The following SLC25A21 variants were observed in gnomAD, a reference collection of about 807,000 sequenced individuals.
SLC25A21 encodes mitochondrial 2-oxodicarboxylate carrier.
SLC25A21 carries 47 observed loss-of-function variants against 43.8 expected under a neutral mutation model. The ratio of observed to expected loss-of-function variants is 1.07; its 90% CI spans 0.85 to 1.37. The LOEUF is 1.37. SLC25A21 is among the 40% of genes most tolerant of loss of function. The probability of loss-of-function intolerance (pLI) is 0.00; values close to 1 mark genes in which losing one functional copy is unlikely to be tolerated. For synonymous variants in SLC25A21, 131 were observed against 121.3 expected (o/e 1.08, Z -0.52); for missense variants, 352 against 350.2 (o/e 1.00, Z -0.04).
At chr14:36,758,761 G>T (rs1886030275) in intron 3 of SLC25A21, among the ~76,000 whole-genome samples, 2 of 152,160 alleles carry the variant, frequency 1.3e-5, no homozygotes, top group South Asian at 4.1e-4. Flanking sequence ...AGCCTCTTGT[G>T]TGGGAACTGG....
At chr14:36,970,996 G>C (rs1045620303) in intron 1 of SLC25A21, among the ~76,000 whole-genome samples, 23 of 152,000 alleles carry the variant, frequency 1.5e-4, no homozygotes, top group Non-Finnish European at 1.9e-4. Context: ...ATCAATCCCT[G>C]CTCATAGGGA....
chr14:36,919,741 C>T (rs985489278), intron 1 of SLC25A21, among the ~76,000 whole-genome samples: 11 of 151,868 alleles, frequency 7.2e-5, no homozygotes. Flanking sequence ...GGCTGAAGAA[C>T]AGACAGTAGG....
At chr14:36,949,601 T>G (rs1332714214) in intron 1 of SLC25A21, among the ~76,000 whole-genome samples, 1 of 152,226 alleles carries the variant, frequency 6.6e-6, no homozygotes, top group Admixed American at 6.5e-5. Context: ...GGCTTCTCCT[T>G]TCTACAGTCA....
At chr14:36,744,561 A>G (rs950640692) in intron 3 of SLC25A21, among the ~76,000 whole-genome samples, 5 of 120,186 alleles carry the variant, frequency 4.2e-5, no homozygotes, top group African/African-American at 1.8e-4. Context: ...AGACTTAAAT[A>G]TAAGACTTGA....
intron 1 of SLC25A21, among the ~76,000 whole-genome samples, chr14:37,076,350 G>A (rs771703286): frequency 3.7e-4 from 56 of 151,656 alleles, no homozygotes; most frequent in Non-Finnish European, 8.8e-5. Flanking sequence ...TAGTAGAGAT[G>A]TAGTAGAGAT....
At chr14:37,025,918 T>C (rs752845059) in intron 1 of SLC25A21, among the ~76,000 whole-genome samples, 6 of 152,034 alleles carry the variant, frequency 3.9e-5, no homozygotes, top group Non-Finnish European at 7.4e-5. Context: ...AACCAGGTGG[T>C]AAATTTCAGA....
At chr14:36,976,880 A>T (rs1959886478) in intron 1 of SLC25A21, among the ~76,000 whole-genome samples, 1 of 152,232 alleles carries the variant, frequency 6.6e-6, no homozygotes. Context: ...TTGTCCTGCC[A>T]CTTGGCTGGA....
intron 1 of SLC25A21, among the ~76,000 whole-genome samples, chr14:37,006,927 T>C (rs187509237): frequency 1.1e-3 from 164 of 152,312 alleles, no homozygotes; most frequent in Non-Finnish European, 4.4e-4. Flanking sequence ...GTGGAATCTT[T>C]ACAATCTCCT....
chr14:36,891,744 C>T (rs1053325007), intron 1 of SLC25A21, among the ~76,000 whole-genome samples: 19 of 151,998 alleles, frequency 1.3e-4, no homozygotes, highest in Non-Finnish European at 1.8e-4. Context: ...AGGCAGAGCG[C>T]GTAAGACTAT....
chr14:36,787,072 G>A (rs1458195377), intron 3 of SLC25A21, among the ~76,000 whole-genome samples: 2 of 152,170 alleles, frequency 1.3e-5, no homozygotes, highest in African/African-American at 2.4e-5. Context: ...GGACTGGGGT[G>A]GTGCTCTTTA....
At chr14:36,919,262 T>C (rs529688257) in intron 1 of SLC25A21, among the ~76,000 whole-genome samples, 9 of 152,120 alleles carry the variant, frequency 5.9e-5, no homozygotes, top group Non-Finnish European at 1.2e-4. Flanking sequence ...TTAGAAATTA[T>C]GAAATCGTAT....
intron 1 of SLC25A21, among the ~76,000 whole-genome samples, chr14:37,146,262 G>C (rs1240173139): frequency 6.6e-6 from 1 of 152,144 alleles, no homozygotes; most frequent in Non-Finnish European, 1.5e-5. Context: ...GTACCAAACA[G>C]ACCAAGAGTT....
At chr14:36,940,681 T>C (rs1892534302) in intron 1 of SLC25A21, among the ~76,000 whole-genome samples, 1 of 152,110 alleles carries the variant, frequency 6.6e-6, no homozygotes, top group African/African-American at 2.4e-5. Context: ...GTGGTCTGGG[T>C]TGAATTCAAC....
chr14:36,952,225 C>T (rs28593257), intron 1 of SLC25A21: 1 of 153,246 alleles, frequency 6.5e-6, no homozygotes. Context: ...AGCAAGATTC[C>T]ATCTCAAAAA....
At chr14:36,695,456 C>T (rs922564517) in intron 7 of SLC25A21, among the ~76,000 whole-genome samples, 122 of 152,026 alleles carry the variant, frequency 8.0e-4, no homozygotes, top group African/African-American at 1.6e-3. Flanking sequence ...AGAAAGTCAT[C>T]GGTAGCTTGA....
intron 1 of SLC25A21, among the ~76,000 whole-genome samples, chr14:37,022,282 C>G (rs1961003990): frequency 1.3e-5 from 2 of 151,944 alleles, no homozygotes; most frequent in Non-Finnish European, 2.9e-5. Context: ...AGGAAACAGA[C>G]TTTCATATTT....
At chr14:36,842,830 G>A (rs1376479069) in intron 2 of SLC25A21, among the ~76,000 whole-genome samples, 2 of 152,170 alleles carry the variant, frequency 1.3e-5, no homozygotes, top group African/African-American at 4.8e-5. Context: ...GGGGAGGCAG[G>A]AGGATGTGTC....
intron 1 of SLC25A21, among the ~76,000 whole-genome samples, chr14:36,905,440 A>G (rs2138604169): frequency 6.6e-6 from 1 of 152,354 alleles, no homozygotes; most frequent in African/African-American, 2.4e-5. Context: ...ATGCTCCTCA[A>G]TAAACTTGTT....
At chr14:36,992,393 C>A (rs1960282735) in intron 1 of SLC25A21, among the ~76,000 whole-genome samples, 1 of 152,022 alleles carries the variant, frequency 6.6e-6, no homozygotes, top group Admixed American at 6.6e-5. Context: ...GGAGACAGAG[C>A]AAGACCCTAT....
Sources: allele counts gnomAD v4.1 joint callset (sites outside exome capture counted in the v4.1 genomes callset), GRCh38; gene constraint gnomAD v4.1.1; transcripts MANE v1.5; gene names NCBI Gene and HGNC (gene_info 2026-07-23, HGNC 2026-07-21).